Variants in KCNIP4 observed in about 807,000 individuals in gnomAD.
KCNIP4 encodes Kv channel-interacting protein 4.
Under a neutral mutation model 34.0 loss-of-function variants are expected in KCNIP4, and 12 were observed. The observed-to-expected ratio is 0.35, with a 90% CI of 0.23 to 0.57. The LOEUF (loss-of-function observed/expected upper bound fraction) is 0.57. Among genes scored for constraint, KCNIP4 ranks in the 20% least tolerant of loss-of-function variants. The pLI, the probability that KCNIP4 is intolerant of heterozygous loss-of-function variation, is 0.83. For missense variants in KCNIP4, 238 were observed against 311.7 expected (o/e 0.76, Z 1.78); for synonymous variants, 124 against 102.2 (o/e 1.21, Z -1.29).
At chr4:21,478,327 C>G (rs555853830) in intron 1 of KCNIP4, among the ~76,000 whole-genome samples, 39 of 152,082 alleles carry the variant, frequency 2.6e-4, no homozygotes, top group Non-Finnish European at 5.9e-5. Flanking sequence ...TAACCTAGGA[C>G]TTGGGCCTTT....
intron 3 of KCNIP4, among the ~76,000 whole-genome samples, chr4:20,799,163 T>G (rs569725245): frequency 6.6e-6 from 1 of 152,298 alleles, no homozygotes; most frequent in South Asian, 2.1e-4. Context: ...TGCTCCATCC[T>G]GCCCATTCTA....
chr4:21,756,609 CTT>C (rs934735436), intron 1 of KCNIP4, among the ~76,000 whole-genome samples: 1 of 151,294 alleles, frequency 6.6e-6, no homozygotes, highest in Non-Finnish European at 1.5e-5. Flanking sequence ...CAGCCTCTCT[CTT>C]TCTCAGATGG....
chr4:20,998,876 C>T lies in KCNIP4; in HGVS notation c.62-116167G>A, dbSNP rs1159960464. On this transcript the variant is annotated intron_variant, in intron 1 of 8. Transcript: ENST00000382152. ...CTTTTTTATTCAATCCAAGACAATTCAACAAGTATTATTGAGCATCCAGTA... is the reference window on the plus strand; with the variant it reads ...CTTTTTTATTCAATCCAAGACAATTTAACAAGTATTATTGAGCATCCAGTA... Among the ~76,000 whole-genome samples the T allele has an allele frequency of 4.6e-5, 7 of 152,250 alleles. No individual in the cohort carries two copies. In the Middle Eastern group the frequency reaches 0.01, roughly 222 times the overall value.
chr4:20,838,020 T>A (rs1419631476), intron 3 of KCNIP4, among the ~76,000 whole-genome samples: 1 of 151,988 alleles, frequency 6.6e-6, no homozygotes, highest in Non-Finnish European at 1.5e-5. Context: ...ACCAATTAGT[T>A]ACTTCAAAAA....
intron 1 of KCNIP4, among the ~76,000 whole-genome samples, chr4:21,937,032 C>A (rs1162694861): frequency 6.6e-6 from 1 of 152,012 alleles, no homozygotes; most frequent in African/African-American, 2.4e-5. Context: ...CCCAAACTGG[C>A]ACCCCAGTTT....
chr4:21,384,289 C>T (rs1721812547), intron 1 of KCNIP4, among the ~76,000 whole-genome samples: 1 of 152,154 alleles, frequency 6.6e-6, no homozygotes, highest in Admixed American at 6.6e-5. Flanking sequence ...TATCATCTCT[C>T]TTTCTACCCA....
At chr4:20,732,466 T>A (rs1236073473) in intron 7 of KCNIP4, among the ~76,000 whole-genome samples, 3 of 152,166 alleles carry the variant, frequency 2.0e-5, no homozygotes, top group Non-Finnish European at 4.4e-5. Context: ...AACTGTTTAG[T>A]GTTGTATCTT....
chr4:21,131,632 CA>C (rs1751081077), intron 1 of KCNIP4, among the ~76,000 whole-genome samples: 1 of 151,844 alleles, frequency 6.6e-6, no homozygotes, highest in South Asian at 2.1e-4. Context: ...AAAACAAAAA[CA>C]AAAATAAAAA....
chr4:21,754,441 G>T (rs934051072), intron 1 of KCNIP4, among the ~76,000 whole-genome samples: 1 of 152,162 alleles, frequency 6.6e-6, no homozygotes, highest in East Asian at 1.9e-4. Flanking sequence ...TATAGGAGAT[G>T]AATACATATT....
intron 1 of KCNIP4, among the ~76,000 whole-genome samples, chr4:21,608,152 C>G (rs1293098831): frequency 6.6e-6 from 1 of 152,110 alleles, no homozygotes; most frequent in Non-Finnish European, 1.5e-5. Context: ...TTTCTATTCC[C>G]TCTGTATTCT....
intron 1 of KCNIP4, among the ~76,000 whole-genome samples, chr4:21,753,238 A>G (rs1717273759): frequency 6.6e-6 from 1 of 152,214 alleles, no homozygotes; most frequent in African/African-American, 2.4e-5. Context: ...CTTAGAGAAA[A>G]AAAATGTTCA....
chr4:21,472,259 A>T (rs4441742), intron 1 of KCNIP4, among the ~76,000 whole-genome samples: 1 of 152,018 alleles, frequency 6.6e-6, no homozygotes, highest in Non-Finnish European at 1.5e-5. Flanking sequence ...AGCAAGCATT[A>T]CCTCCATTTC....
At chr4:20,879,616 T>C (rs1168547858) in intron 2 of KCNIP4, among the ~76,000 whole-genome samples, 1 of 152,248 alleles carries the variant, frequency 6.6e-6, no homozygotes, top group Non-Finnish European at 1.5e-5. Flanking sequence ...ATGCTGCTTC[T>C]TTTAATGCTT....
chr4:21,175,338 C>T (rs1754326201), intron 1 of KCNIP4, among the ~76,000 whole-genome samples: 1 of 152,106 alleles, frequency 6.6e-6, no homozygotes, highest in Non-Finnish European at 1.5e-5. Flanking sequence ...AGTAGTCCTC[C>T]CTTATCCTTA....
chr4:20,861,879 A>AT, intron 2 of KCNIP4, among the ~76,000 whole-genome samples: 1 of 152,096 alleles, frequency 6.6e-6, no homozygotes, highest in East Asian at 1.9e-4. Flanking sequence ...ACAAGCTTAG[A>AT]TTTTAAAAAA....
At chr4:21,713,789 A>C (rs146596142) in intron 1 of KCNIP4, among the ~76,000 whole-genome samples, 1 of 152,044 alleles carries the variant, frequency 6.6e-6, no homozygotes, top group African/African-American at 2.4e-5. Flanking sequence ...CTTTTTTCCC[A>C]TGTTCTCTTT....
intron 1 of KCNIP4, among the ~76,000 whole-genome samples, chr4:20,896,038 C>T (rs2149544080): frequency 6.6e-6 from 1 of 152,206 alleles, no homozygotes; most frequent in South Asian, 2.1e-4. Flanking sequence ...ACACATATTC[C>T]ACTTAGAATG....
At chr4:21,255,166 C>T (rs956891559) in intron 1 of KCNIP4, among the ~76,000 whole-genome samples, 1 of 152,074 alleles carries the variant, frequency 6.6e-6, no homozygotes, top group African/African-American at 2.4e-5. Context: ...CGAGGCCCTA[C>T]CTGTGTCCCA....
intron 2 of KCNIP4, among the ~76,000 whole-genome samples, chr4:20,874,057 C>T (rs1265997457): frequency 6.6e-6 from 1 of 151,988 alleles, no homozygotes; most frequent in Admixed American, 6.6e-5. Flanking sequence ...AGGAGAATGA[C>T]AGCAAAAACA....
Sources: allele counts gnomAD v4.1 joint callset (sites outside exome capture counted in the v4.1 genomes callset), GRCh38; gene constraint gnomAD v4.1.1; transcripts MANE v1.5; gene names NCBI Gene and HGNC (gene_info 2026-07-23, HGNC 2026-07-21).